The following PTPRO variants were observed in gnomAD, a reference collection of about 807,000 sequenced individuals.
The protein encoded by PTPRO is protein tyrosine phosphatase receptor type O.
Under a neutral mutation model 145.2 loss-of-function variants are expected in PTPRO, and 62 were observed. The ratio of observed to expected loss-of-function variants is 0.43; its 90% confidence interval spans 0.35 to 0.53. The LOEUF (loss-of-function observed/expected upper bound fraction) is 0.53, where lower values mean the gene tolerates loss of function less well. Ranked by LOEUF, PTPRO falls within the 20% of genes least tolerant of loss-of-function variation. The pLI is 0.01. For synonymous variants in PTPRO, 565 were observed against 514.7 expected, an observed-to-expected ratio of 1.10 and a Z score of -1.32; for missense variants, 1,345 against 1,482.7, an observed-to-expected ratio of 0.91 and a Z score of 1.53.
At chr12:15,360,734 A>AAC (rs1012100570) in intron 1 of PTPRO, among the ~76,000 whole-genome samples, 1 of 141,790 alleles carries the variant, frequency 7.1e-6, no homozygotes, top group African/African-American at 2.6e-5. Context: ...TATAAGTTAA[A>AAC]ACACACACAC....
At chr12:15,336,395 T>C (rs1444503269) in intron 1 of PTPRO, among the ~76,000 whole-genome samples, 3 of 152,218 alleles carry the variant, frequency 2.0e-5, no homozygotes, top group Admixed American at 6.5e-5. Context: ...GTATTTGCAT[T>C]GTTAAAGACG....
intron 7 of PTPRO, among the ~76,000 whole-genome samples, chr12:15,513,930 C>G (rs1942519705): frequency 6.6e-6 from 1 of 152,066 alleles, no homozygotes; most frequent in Non-Finnish European, 1.5e-5. Context: ...TGAGTAGAGT[C>G]AGGATTTGAT....
intron 22 of PTPRO, 40 bp downstream of exon 22, chr12:15,580,871 C>T (rs1208225074): frequency 6.2e-7 from 1 of 1,611,624 alleles, no homozygotes; most frequent in Non-Finnish European, 8.5e-7. Flanking sequence ...AGCAGCAAAA[C>T]CTGCCCTAGC....
In PTPRO at chr12:15,581,725, A is replaced by T. The variant is rs1415999193; in HGVS notation, c.3179A>T (p.Tyr1060Phe). 6.2e-7 allele frequency: 1 copy of T among 1,613,992 alleles called. No individual in the cohort carries two copies. Reference sequence around the variant, plus strand: ...CCATTCACGGAAGAACCTATAGCCTATGGAGACATCACTGTGGAGATGATT... The same window carrying T: ...CCATTCACGGAAGAACCTATAGCCTTTGGAGACATCACTGTGGAGATGATT... ...YWPFTEEPIA[Y>F]GDITVEMISE... Residue 1060 changes from tyrosine to phenylalanine, a missense_variant, in exon 23 of 27, where the codon TAT becomes TTT. This residue lies in a region of PTPRO where 208 missense variants were observed against 242.8 expected (regional missense o/e 0.86). Coordinates refer to ENST00000281171, the MANE Select transcript of PTPRO (RefSeq NM_030667.3).
intron 25 of PTPRO, among the ~76,000 whole-genome samples, chr12:15,594,497 CCA>C (rs779321956): frequency 2.4e-4 from 35 of 148,850 alleles, no homozygotes; most frequent in African/African-American, 4.4e-4. Flanking sequence ...AGTGTTCTCA[CCA>C]CACACACACA....
intron 1 of PTPRO, among the ~76,000 whole-genome samples, chr12:15,429,634 C>G (rs978252763): frequency 6.6e-6 from 1 of 152,022 alleles, no homozygotes; most frequent in Non-Finnish European, 1.5e-5. Flanking sequence ...GAAAGGTTCT[C>G]AAGGTTAAAA....
chr12:15,584,120 T>C (rs1195912556), intron 23 of PTPRO, among the ~76,000 whole-genome samples: 1 of 152,226 alleles, frequency 6.6e-6, no homozygotes, highest in Non-Finnish European at 1.5e-5. Context: ...ACACCATAGA[T>C]AGTTACAATT....
At position 15,486,755 on chromosome 12, in the gene PTPRO, G is replaced by A. The variant is rs537569211; in HGVS notation, c.349+2508G>A. On this transcript the variant is annotated intron_variant, in intron 2 of 26. Transcript: ENST00000281171. ...AAGTTGCACTAGCCTAATTTTAATC[G>A]CTCAATAGCCATATGTAGCTAGTTG... Among the ~76,000 whole-genome samples the A allele has an allele frequency of 4.0e-5, 6 of 151,404 alleles. No homozygotes were observed. In the East Asian group the frequency reaches 9.7e-4, roughly 24 times the overall value.
At chr12:15,555,878 C>G (rs1371489989) in intron 15 of PTPRO, among the ~76,000 whole-genome samples, 1 of 152,134 alleles carries the variant, frequency 6.6e-6, no homozygotes, top group East Asian at 1.9e-4. Context: ...GTGTTGTACA[C>G]TTTTTAATTA....
At chr12:15,394,749 A>G (rs1161999260) in intron 1 of PTPRO, among the ~76,000 whole-genome samples, 1 of 152,204 alleles carries the variant, frequency 6.6e-6, no homozygotes, top group Non-Finnish European at 1.5e-5. Context: ...CTGCTTCATA[A>G]TCAGGTAGTC....
intron 1 of PTPRO, among the ~76,000 whole-genome samples, chr12:15,446,951 A>T (rs1333724962): frequency 6.6e-6 from 1 of 152,030 alleles, no homozygotes; most frequent in Non-Finnish European, 1.5e-5. Flanking sequence ...CACATTACTC[A>T]TATTTGGGAT....
chr12:15,510,735 C>T (rs1269053998), intron 7 of PTPRO, among the ~76,000 whole-genome samples: 1 of 152,124 alleles, frequency 6.6e-6, no homozygotes, highest in Non-Finnish European at 1.5e-5. Context: ...TGTATAATAT[C>T]ATACCACTAT....
chr12:15,477,861 C>T (rs1049901307), intron 1 of PTPRO, among the ~76,000 whole-genome samples: 1 of 152,162 alleles, frequency 6.6e-6, no homozygotes, highest in Non-Finnish European at 1.5e-5. Context: ...AGGCCTGGAA[C>T]CTCTGGGTGC....
chr12:15,448,554 G>C (rs1189325944), intron 1 of PTPRO, among the ~76,000 whole-genome samples: 3 of 152,012 alleles, frequency 2.0e-5, no homozygotes, highest in African/African-American at 7.2e-5. Flanking sequence ...GGAGAAAAGA[G>C]AAACCTTGCA....
At chr12:15,380,714 A>C (rs1232317825) in intron 1 of PTPRO, among the ~76,000 whole-genome samples, 1 of 152,170 alleles carries the variant, frequency 6.6e-6, no homozygotes, top group East Asian at 1.9e-4. Flanking sequence ...CAATAGAACT[A>C]AGCAAATACG....
intron 1 of PTPRO, among the ~76,000 whole-genome samples, chr12:15,413,894 G>A (rs1939872087): frequency 1.3e-5 from 2 of 152,002 alleles, no homozygotes; most frequent in African/African-American, 4.8e-5. Context: ...TTTGAGCAAA[G>A]CATTCCTCAG....
rs1861596 is a variant in PTPRO at position 15,508,308 on chromosome 12, A to G, written c.1268-263A>G. Among the ~76,000 whole-genome samples the G allele has an allele frequency of 0.63, 95,543 of 151,874 alleles. 30,720 individuals are homozygous for G. The highest frequency in any genetic ancestry group is 0.68 in the Admixed American group (10,399 of 15,266). ...TTTTCTCAGGTGAAGAATTTACCAG[A>G]ATACTCTCACATGCACACGATGATT... On this transcript the variant is annotated intron_variant, in intron 6 of 26. Transcript: ENST00000281171.
chr12:15,564,913 A>G (rs1374922862), intron 17 of PTPRO, among the ~76,000 whole-genome samples: 1 of 152,206 alleles, frequency 6.6e-6, no homozygotes, highest in Non-Finnish European at 1.5e-5. Context: ...TGGTTGGGTG[A>G]AAATCATTAC....
At chr12:15,331,954 C>T (rs1211507568) in intron 1 of PTPRO, among the ~76,000 whole-genome samples, 67 of 136,450 alleles carry the variant, frequency 4.9e-4, no homozygotes, top group African/African-American at 1.5e-3. Flanking sequence ...TTTTGTTTCT[C>T]TTTCTTTCTT....
Sources: gnomAD v4.1 joint callset for allele counts (sites outside exome capture counted in the v4.1 genomes callset) on GRCh38, gnomAD v4.1.1 for gene constraint, gnomAD v4.1.1 regional missense constraint, MANE v1.5 for transcripts, NCBI Gene and HGNC (gene_info 2026-07-23, HGNC 2026-07-21) for gene names.